SPTLC3: variants seen among roughly 807,000 people sequenced by gnomAD.
SPTLC3 encodes the protein serine palmitoyltransferase long chain base subunit 3, also known as serine palmitoyltransferase 3.
A neutral mutation model predicts 59.3 loss-of-function variants in SPTLC3; 36 were observed. The observed-to-expected ratio is 0.61, with a 90% confidence interval of 0.47 to 0.80. The LOEUF (loss-of-function observed/expected upper bound fraction) is 0.80, where lower values mean the gene tolerates loss of function less well. Ranked by LOEUF, SPTLC3 falls within the 30% of genes least tolerant of loss-of-function variation. The pLI is 0.00. For synonymous variants in SPTLC3, 257 were observed against 240.8 expected, an observed-to-expected ratio of 1.07 and a Z score of -0.62; for missense variants, 625 against 685.1, an observed-to-expected ratio of 0.91 and a Z score of 0.98.
intron 8 of SPTLC3, among the ~76,000 whole-genome samples, chr20:13,125,366 G>A (rs767151068): frequency 3.2e-4 from 49 of 152,150 alleles, no homozygotes; most frequent in Non-Finnish European, 5.4e-4. Flanking sequence ...GCTGCCAAAG[G>A]CATAACCAGA....
chr20:13,034,794 A>G (rs986080918), intron 1 of SPTLC3, among the ~76,000 whole-genome samples: 5 of 152,274 alleles, frequency 3.3e-5, no homozygotes, highest in Admixed American at 3.3e-4. Context: ...ATTCACCAAA[A>G]AAAAAATGCT....
At chr20:13,138,008 C>T (rs1314019107) in intron 9 of SPTLC3, among the ~76,000 whole-genome samples, 1 of 152,134 alleles carries the variant, frequency 6.6e-6, no homozygotes, top group Admixed American at 6.5e-5. Context: ...GCTGGAGTGA[C>T]CCTTCTAGTT....
intron 11 of SPTLC3, among the ~76,000 whole-genome samples, chr20:13,161,066 A>T (rs2038886169): frequency 6.6e-6 from 1 of 152,234 alleles, no homozygotes. Context: ...AAAACAAGAG[A>T]TGACAAGGCT....
At chr20:13,075,166 C>A (rs184634636) in intron 4 of SPTLC3, among the ~76,000 whole-genome samples, 1 of 150,596 alleles carries the variant, frequency 6.6e-6, no homozygotes, top group East Asian at 1.9e-4. Context: ...GTAGGCAACA[C>A]AGGTGGTGTT....
At chr20:13,109,740 G>T (rs1990116956) in intron 6 of SPTLC3, among the ~76,000 whole-genome samples, 1 of 152,200 alleles carries the variant, frequency 6.6e-6, no homozygotes. Flanking sequence ...CACGATTGAT[G>T]AGTGGTATTA....
chr20:13,016,830 C>T (rs928540146), intron 1 of SPTLC3, among the ~76,000 whole-genome samples: 5 of 152,108 alleles, frequency 3.3e-5, no homozygotes, highest in Admixed American at 6.6e-5. Flanking sequence ...TAATCTTTAA[C>T]ATGTCTTGAG....
At chr20:13,080,444 G>T (rs1428835514) in intron 4 of SPTLC3, among the ~76,000 whole-genome samples, 4 of 147,154 alleles carry the variant, frequency 2.7e-5, no homozygotes, top group South Asian at 4.2e-4. Flanking sequence ...GGAGTCAGAG[G>T]TTGCAGTGAG....
At chr20:13,123,093 G>T (rs928654522) in intron 8 of SPTLC3, among the ~76,000 whole-genome samples, 34 of 152,282 alleles carry the variant, frequency 2.2e-4, no homozygotes, top group African/African-American at 7.9e-4. Context: ...CACTTTGGGA[G>T]GCCAAGGCCG....
rs2038002008 is a variant in SPTLC3 at position 13,126,732 on chromosome 20, A to G, written c.1279+15A>G. The G allele has an allele frequency of 4.3e-6, 7 of 1,613,674 alleles. No homozygotes were observed. Among genetic ancestry groups the G allele is most frequent in the East Asian group, 2.2e-5 (1 of 44,866 alleles). Reference sequence around the variant, plus strand: ...GACCACTCAAGGTAAGAGGATCTGCAGAGAGCACAGCTCCTGGACCTCTCT... The same window carrying G: ...GACCACTCAAGGTAAGAGGATCTGCGGAGAGCACAGCTCCTGGACCTCTCT... On this transcript the variant is annotated intron_variant, in intron 9 of 11. Transcript: ENST00000399002.
intron 2 of SPTLC3, among the ~76,000 whole-genome samples, chr20:13,060,397 T>C (rs1253743231): frequency 6.8e-6 from 1 of 146,074 alleles, no homozygotes; most frequent in Non-Finnish European, 1.5e-5. Context: ...TATTTATTTA[T>C]TTATTTATTT....
chr20:13,067,707 A>G (rs995485151), intron 2 of SPTLC3, among the ~76,000 whole-genome samples: 24 of 152,202 alleles, frequency 1.6e-4, no homozygotes, highest in Non-Finnish European at 5.9e-5. Flanking sequence ...TTAGGTTCTT[A>G]TACTTCAAAG....
chr20:13,040,646 CT>C, intron 1 of SPTLC3, among the ~76,000 whole-genome samples: 1 of 151,752 alleles, frequency 6.6e-6, no homozygotes, highest in East Asian at 1.9e-4. Flanking sequence ...GCATGAGCCA[CT>C]TTAATAATTT....
chr20:13,140,871 T>C (rs1247623237), intron 9 of SPTLC3, among the ~76,000 whole-genome samples: 1 of 152,222 alleles, frequency 6.6e-6, no homozygotes, highest in Non-Finnish European at 1.5e-5. Context: ...GTGCGAATTA[T>C]TTCATTTACT....
chr20:13,147,533 G>T (rs561627042), intron 9 of SPTLC3, among the ~76,000 whole-genome samples: 19 of 152,260 alleles, frequency 1.2e-4, no homozygotes, highest in Non-Finnish European at 2.1e-4. Context: ...TGCCAAGCCA[G>T]GGGAAAAAGT....
chr20:13,161,626 G>A (rs1002587023), intron 11 of SPTLC3, among the ~76,000 whole-genome samples: 11 of 152,120 alleles, frequency 7.2e-5, no homozygotes, highest in African/African-American at 2.7e-4. Flanking sequence ...TCAAGAAGGA[G>A]GAGGGTCAAA....
In SPTLC3 at chr20:13,117,633, T is replaced by C. The variant is rs757650586; in HGVS notation, c.1060T>C (p.Phe354Leu). Residue 354 changes from phenylalanine to leucine, a missense_variant, in exon 8 of 12, where the codon TTC becomes CTC. Physicochemically the swap from Phe to Leu is conservative, Grantham distance 22 (BLOSUM62 0). Transcript: ENST00000399002. ...CCCAACCGGCCGGGGTGTCACGGAGTTCTTTGGACTAGACCCTCATGAAGT... is the reference window on the plus strand; with the variant it reads ...CCCAACCGGCCGGGGTGTCACGGAGCTCTTTGGACTAGACCCTCATGAAGT... ...VGPTGRGVTEFFGLDPHEVDV... is the reference protein window; with the variant it reads ...VGPTGRGVTELFGLDPHEVDV... 99 of 1,613,524 alleles carry C rather than the reference T, an allele frequency of 6.1e-5. No individual in the cohort carries two copies. Among genetic ancestry groups the C allele is most frequent in the Middle Eastern group, 3.3e-4 (2 of 6,076 alleles).
intron 9 of SPTLC3, among the ~76,000 whole-genome samples, chr20:13,137,693 G>C (rs2038280400): frequency 6.6e-6 from 1 of 152,140 alleles, no homozygotes; most frequent in Non-Finnish European, 1.5e-5. Flanking sequence ...TAAAAACATA[G>C]ATAAGTAAAC....
At chr20:13,025,274 T>A (rs1986087997) in intron 1 of SPTLC3, among the ~76,000 whole-genome samples, 1 of 152,168 alleles carries the variant, frequency 6.6e-6, no homozygotes, top group African/African-American at 2.4e-5. Flanking sequence ...AATCAGATGA[T>A]CACCCACACA....
intron 9 of SPTLC3, among the ~76,000 whole-genome samples, chr20:13,131,530 C>A (rs916457209): frequency 2.6e-5 from 4 of 152,340 alleles, no homozygotes; most frequent in South Asian, 4.1e-4. Context: ...TATTCCCTTA[C>A]TTCTGCAAAT....
Sources: allele counts gnomAD v4.1 joint callset (sites outside exome capture counted in the v4.1 genomes callset), GRCh38; gene constraint gnomAD v4.1.1; transcripts MANE v1.5; gene names NCBI Gene and HGNC (gene_info 2026-07-23, HGNC 2026-07-21).